The following IGFL2 variants were observed in gnomAD, a reference collection of about 807,000 sequenced individuals.
The protein encoded by IGFL2 is IGF like family member 2.
Under a neutral mutation model 13.9 loss-of-function variants are expected in IGFL2, and 7 were observed. The observed-to-expected ratio is 0.51, with a 90% CI of 0.29 to 0.95. IGFL2 has a LOEUF of 0.95. Ranked by LOEUF, IGFL2 falls within the 40% of genes least tolerant of loss-of-function variation. The pLI is 0.08. For synonymous variants in IGFL2, 55 were observed against 55.8 expected (o/e 0.99, Z 0.07); for missense variants, 138 against 147.8 (o/e 0.93, Z 0.34).
chr19:46,082,427 C>T, the IGFL2 span, among the ~76,000 whole-genome samples: 1 of 152,170 alleles, frequency 6.6e-6, no homozygotes, highest in Non-Finnish European at 1.5e-5. Flanking sequence ...GTAAACTTGG[C>T]TGGTTTCCTA....
At chr19:46,110,240 G>C in the IGFL2 span, among the ~76,000 whole-genome samples, 4 of 152,320 alleles carry the variant, frequency 2.6e-5, no homozygotes, top group East Asian at 3.9e-4. Context: ...CTCAGAAGAA[G>C]GTGTATAAGC....
the IGFL2 span, among the ~76,000 whole-genome samples, chr19:46,085,460 G>C: frequency 6.6e-6 from 1 of 152,092 alleles, no homozygotes; most frequent in Non-Finnish European, 1.5e-5. Context: ...AGCAACCCCT[G>C]CTCTTTTTTG....
chr19:46,148,146 C>A, upstream of IGFL2: 1 of 702,924 alleles, frequency 1.4e-6, no homozygotes, highest in South Asian at 1.9e-5. Flanking sequence ...TTCTCATGCC[C>A]CACCCTTTCC....
At chr19:46,194,543 C>T in the IGFL2 span, among the ~76,000 whole-genome samples, 7 of 152,166 alleles carry the variant, frequency 4.6e-5, no homozygotes, top group East Asian at 9.7e-4. Flanking sequence ...AATCAAGGGC[C>T]GGACACGGTG....
chr19:46,129,675 C>T, the IGFL2 span, among the ~76,000 whole-genome samples: 1 of 151,990 alleles, frequency 6.6e-6, no homozygotes, highest in African/African-American at 2.4e-5. Flanking sequence ...TGGTTTTGAG[C>T]AAATTCCTTA....
the IGFL2 span, among the ~76,000 whole-genome samples, chr19:46,117,923 G>C: frequency 4.6e-5 from 7 of 152,238 alleles, no homozygotes; most frequent in Middle Eastern, 3.4e-3. Flanking sequence ...CTTGTTAGGT[G>C]CTCCTAAATG....
chr19:46,142,859 A>G (rs1284461939), upstream of IGFL2, among the ~76,000 whole-genome samples: 1 of 152,248 alleles, frequency 6.6e-6, no homozygotes, highest in East Asian at 1.9e-4. Flanking sequence ...TTTGATACAG[A>G]TAATCTCATT....
chr19:46,081,788 A>G, the IGFL2 span, among the ~76,000 whole-genome samples: 1 of 152,236 alleles, frequency 6.6e-6, no homozygotes, highest in Admixed American at 6.5e-5. Flanking sequence ...GATCCCAGCT[A>G]TCTGCATTGC....
chr19:46,196,637 A>G, the IGFL2 span, among the ~76,000 whole-genome samples: 6 of 152,070 alleles, frequency 3.9e-5, no homozygotes, highest in Non-Finnish European at 7.4e-5. Flanking sequence ...ATTGCCCTGA[A>G]CCCTAGGCCC....
At chr19:46,105,090 C>T in the IGFL2 span, among the ~76,000 whole-genome samples, 1 of 152,258 alleles carries the variant, frequency 6.6e-6, no homozygotes, top group East Asian at 1.9e-4. Context: ...TTTTGATGGC[C>T]CTTGCAGTGA....
chr19:46,136,782 A>G, the IGFL2 span: 1 of 649,910 alleles, frequency 1.5e-6, no homozygotes, highest in South Asian at 1.4e-5. Context: ...TGTCTCTCCA[A>G]CCCGTTTGAG....
At chr19:46,107,711 G>A in the IGFL2 span, among the ~76,000 whole-genome samples, 2 of 152,168 alleles carry the variant, frequency 1.3e-5, no homozygotes, top group African/African-American at 4.8e-5. Context: ...AAGTTCTTTT[G>A]TGGGGTTTGA....
At chr19:46,140,952 G>A (rs1378949243), upstream of IGFL2, among the ~76,000 whole-genome samples, 2 of 152,126 alleles carry the variant, frequency 1.3e-5, no homozygotes, top group Non-Finnish European at 2.9e-5. Flanking sequence ...GTGGGAAGGG[G>A]GAAAGTAACC....
the IGFL2 span, among the ~76,000 whole-genome samples, chr19:46,194,064 C>G: frequency 6.6e-6 from 1 of 152,072 alleles, no homozygotes; most frequent in Admixed American, 6.6e-5. Flanking sequence ...AGCACTGAAA[C>G]TTGTCATTCA....
chr19:46,124,453 G>A, the IGFL2 span: 1 of 1,181,600 alleles, frequency 8.5e-7, no homozygotes, highest in Non-Finnish European at 1.2e-6. Context: ...AGTCTGTATG[G>A]GATCCCGTTC....
chr19:46,089,096 T>A, the IGFL2 span, among the ~76,000 whole-genome samples: 1 of 152,222 alleles, frequency 6.6e-6, no homozygotes, highest in Non-Finnish European at 1.5e-5. Context: ...AGTGATTCTC[T>A]CTAGCAGTAT....
the IGFL2 span, among the ~76,000 whole-genome samples, chr19:46,122,428 G>A: frequency 1.3e-5 from 2 of 151,084 alleles, 1 homozygote; most frequent in Non-Finnish European, 2.9e-5. Context: ...GAACAAATAG[G>A]TGAAGTCATT....
At chr19:46,171,701 G>A in the IGFL2 span, among the ~76,000 whole-genome samples, 3 of 152,040 alleles carry the variant, frequency 2.0e-5, no homozygotes, top group Admixed American at 6.6e-5. Context: ...AACCTCTCAA[G>A]GAGAAAATGC....
the IGFL2 span, chr19:46,124,459 C>T: frequency 3.7e-5 from 43 of 1,160,532 alleles, no homozygotes; most frequent in Middle Eastern, 1.9e-4. Context: ...TATGGGATCC[C>T]GTTCAGGCAG....
Sources: allele counts gnomAD v4.1 joint callset (sites outside exome capture counted in the v4.1 genomes callset), GRCh38; gene constraint gnomAD v4.1.1; transcripts MANE v1.5; gene names NCBI Gene and HGNC (gene_info 2026-07-23, HGNC 2026-07-21).